The following THSD7B variants were observed in gnomAD, a reference collection of about 807,000 sequenced individuals.
THSD7B encodes the protein thrombospondin type 1 domain containing 7B.
In THSD7B, 138 loss-of-function variants were observed where a neutral mutation model predicts 213.6. That is an observed-to-expected ratio of 0.65 (90% CI 0.56 to 0.74). The LOEUF is 0.74. Among genes scored for constraint, THSD7B ranks in the 30% least tolerant of loss-of-function variants. The probability of loss-of-function intolerance (pLI) is 0.00; values close to 1 mark genes in which losing one functional copy is unlikely to be tolerated. For synonymous variants in THSD7B, 742 were observed against 687.0 expected (o/e 1.08, Z -1.25); for missense variants, 1,931 against 1,991.5 (o/e 0.97, Z 0.58).
intron 12 of THSD7B, among the ~76,000 whole-genome samples, chr2:137,396,631 G>T (rs959939524): frequency 2.9e-5 from 4 of 139,446 alleles, no homozygotes; most frequent in Non-Finnish European, 6.3e-5. Flanking sequence ...TGAAAAAAAT[G>T]TATATTCTGT....
intron 12 of THSD7B, among the ~76,000 whole-genome samples, chr2:137,376,693 G>A (rs184412362): frequency 1.3e-4 from 20 of 152,268 alleles, no homozygotes; most frequent in African/African-American, 4.6e-4. Context: ...CTAGCATATT[G>A]CGTAGTTATA....
chr2:137,042,004 T>A (rs1686890959), intron 2 of THSD7B, among the ~76,000 whole-genome samples: 1 of 152,210 alleles, frequency 6.6e-6, no homozygotes, highest in South Asian at 2.1e-4. Flanking sequence ...AGTTTGTGCC[T>A]TTATAACATT....
chr2:137,179,867 T>C (rs1206973976), intron 7 of THSD7B, among the ~76,000 whole-genome samples: 1 of 152,150 alleles, frequency 6.6e-6, no homozygotes, highest in African/African-American at 2.4e-5. Flanking sequence ...TGGCTAATTC[T>C]TATTTATCCT....
intron 12 of THSD7B, among the ~76,000 whole-genome samples, chr2:137,330,782 T>G (rs1573965172): frequency 6.6e-6 from 1 of 152,164 alleles, no homozygotes; most frequent in South Asian, 2.1e-4. Context: ...GCTTCCACAG[T>G]GTGGAAGGGG....
intron 1 of THSD7B, among the ~76,000 whole-genome samples, chr2:136,840,256 G>A (rs1390829042): frequency 6.6e-6 from 1 of 152,086 alleles, no homozygotes; most frequent in Non-Finnish European, 1.5e-5. Context: ...GTGCATGCCT[G>A]TAGTCCCAGC....
At chr2:136,944,537 A>G (rs1165141345) in intron 2 of THSD7B, among the ~76,000 whole-genome samples, 1 of 152,044 alleles carries the variant, frequency 6.6e-6, no homozygotes, top group East Asian at 1.9e-4. Flanking sequence ...ATAGGTCTCT[A>G]AGGACTTGCT....
chr2:136,938,721 A>G (rs1293260877), intron 2 of THSD7B, among the ~76,000 whole-genome samples: 2 of 152,178 alleles, frequency 1.3e-5, no homozygotes, highest in Non-Finnish European at 2.9e-5. Flanking sequence ...GTTGCATTTG[A>G]TGCTGTAATG....
rs376324182 is a variant in THSD7B, at chr2:137,121,950, C to T, written c.1369+6657C>T. 5.2e-4 allele frequency among the ~76,000 whole-genome samples: 79 copies of T among 152,194 alleles called. 2 individuals are homozygous for T. The South Asian group carries it at 0.016, about 31-fold the overall frequency. On this transcript the variant is annotated intron_variant, in intron 5 of 27. Coordinates refer to ENST00000409968, the MANE Select transcript of THSD7B (RefSeq NM_001316349.2). ...TGCCAAAGCTACGTAGCTCTGAGAG[C>T]CCAGAATGCAACCAGACAAAATAGA...
intron 5 of THSD7B, among the ~76,000 whole-genome samples, chr2:137,130,598 A>G (rs1001182006): frequency 7.2e-6 from 1 of 138,676 alleles, no homozygotes; most frequent in African/African-American, 2.8e-5. Flanking sequence ...CTCATTGTTC[A>G]ATTCCCACCT....
intron 17 of THSD7B, among the ~76,000 whole-genome samples, chr2:137,581,310 G>A (rs76589027): frequency 0.13 from 19,918 of 152,098 alleles, 1,442 homozygotes; most frequent in South Asian, 0.22. Context: ...ATTATAGGCC[G>A]GGTGCAGTGG....
At chr2:137,404,454 TATATATATATATATATATATACACAC>T (rs1686450988) in intron 12 of THSD7B, among the ~76,000 whole-genome samples, 1 of 106,566 alleles carries the variant, frequency 9.4e-6, no homozygotes, top group Non-Finnish European at 1.9e-5. Flanking sequence ...TATATATATA[TATATATATATATATATATATACACAC>T]ACACACACAC....
At chr2:137,289,797 A>G (rs1683279064) in intron 12 of THSD7B, among the ~76,000 whole-genome samples, 1 of 152,042 alleles carries the variant, frequency 6.6e-6, no homozygotes, top group Admixed American at 6.5e-5. Flanking sequence ...TGAAGAAAAA[A>G]GAGAAAAAAA....
chr2:137,373,821 A>C (rs919461436), intron 12 of THSD7B, among the ~76,000 whole-genome samples: 1 of 152,036 alleles, frequency 6.6e-6, no homozygotes, highest in African/African-American at 2.4e-5. Flanking sequence ...CTAGGGTTTT[A>C]ATGGTTTTAG....
At chr2:137,662,062 CTT>C (rs778872364) in intron 25 of THSD7B, among the ~76,000 whole-genome samples, 23 of 132,650 alleles carry the variant, frequency 1.7e-4, no homozygotes, top group Admixed American at 2.4e-4. Flanking sequence ...TTTCTTTTTT[CTT>C]TTTTTTTTTT....
chr2:137,599,734 G>C (rs546114321), intron 17 of THSD7B, among the ~76,000 whole-genome samples: 1 of 152,062 alleles, frequency 6.6e-6, no homozygotes, highest in Non-Finnish European at 1.5e-5. Flanking sequence ...GTATGATATC[G>C]ACAAACATCT....
intron 12 of THSD7B, among the ~76,000 whole-genome samples, chr2:137,283,063 G>A (rs1475232366): frequency 1.3e-5 from 2 of 152,088 alleles, no homozygotes; most frequent in Non-Finnish European, 2.9e-5. Flanking sequence ...CCATTTGTTT[G>A]TAGCCTCTTT....
In THSD7B at chr2:137,094,980, G is replaced by C; in HGVS notation, c.1058G>C (p.Arg353Pro). Residue 353 changes from arginine to proline, a missense_variant, in exon 4 of 28, where the codon CGT (arginine) becomes CCT (proline). Transcript: ENST00000409968. ...SSWSPCSKTC[R>P]SGSLLPGFRS... The stretch of plus-strand genomic sequence containing the variant: ...TGGAGCCCCTGCTCCAAGACATGCC[G>C]TTCAGGGAGTCTCTTGCCAGGATTT... 1.2e-6 allele frequency: 2 copies of C among 1,613,742 alleles called. No homozygotes were observed. Among genetic ancestry groups the C allele is most frequent in the South Asian group, 2.2e-5 (2 of 91,078 alleles).
intron 2 of THSD7B, among the ~76,000 whole-genome samples, chr2:136,908,619 C>T (rs983968465): frequency 6.6e-6 from 1 of 152,122 alleles, no homozygotes; most frequent in African/African-American, 2.4e-5. Flanking sequence ...ATTGAGTTTG[C>T]ACATATTTAC....
intron 1 of THSD7B, among the ~76,000 whole-genome samples, chr2:136,864,635 C>T (rs1434233553): frequency 6.6e-6 from 1 of 152,090 alleles, no homozygotes; most frequent in African/African-American, 2.4e-5. Context: ...TCACTGCAAG[C>T]TCCACCTCCC....
Sources: allele counts gnomAD v4.1 joint callset (sites outside exome capture counted in the v4.1 genomes callset), GRCh38; gene constraint gnomAD v4.1.1; transcripts MANE v1.5; gene names NCBI Gene and HGNC (gene_info 2026-07-23, HGNC 2026-07-21).